ZNF469: variants seen among roughly 807,000 people sequenced by gnomAD.
The protein encoded by ZNF469 is zinc finger protein 469.
Under a neutral mutation model 1.0 loss-of-function variants are expected in ZNF469, and 1 was observed. The observed-to-expected ratio is 1.00, with a 90% CI of 0.35 to 4.73. The LOEUF (loss-of-function observed/expected upper bound fraction) is 4.73, where lower values mean the gene tolerates loss of function less well. Ranked by LOEUF, ZNF469 falls within the 30% of genes most tolerant of loss-of-function variation. The probability of loss-of-function intolerance (pLI) is 0.16; values close to 1 mark genes in which losing one functional copy is unlikely to be tolerated. For synonymous variants in ZNF469, 2,703 were observed against 2,363.4 expected (o/e 1.14, Z -4.17); for missense variants, 6,100 against 5,356.3 (o/e 1.14, Z -4.33).
chr16:88,319,453 G>C, the ZNF469 span, among the ~76,000 whole-genome samples: 5 of 152,188 alleles, frequency 3.3e-5, no homozygotes, highest in East Asian at 1.9e-4. Flanking sequence ...GGCAGTCCGA[G>C]GCCTCGGAAG....
At chr16:88,273,967 CTAATTT>C in the ZNF469 span, among the ~76,000 whole-genome samples, 4 of 152,168 alleles carry the variant, frequency 2.6e-5, no homozygotes, top group African/African-American at 9.7e-5. Flanking sequence ...CCATGCTCGG[CTAATTT>C]TTTGTATTTT....
chr16:88,352,937 C>A, the ZNF469 span, among the ~76,000 whole-genome samples: 1,902 of 152,242 alleles, frequency 0.012, 24 homozygotes, highest in Middle Eastern at 0.034. Context: ...GAGGTGGGGG[C>A]AGAGAGCCAG....
the ZNF469 span, among the ~76,000 whole-genome samples, chr16:88,227,512 C>G: frequency 1.1e-5 from 1 of 93,250 alleles, no homozygotes; most frequent in African/African-American, 3.3e-5. Flanking sequence ...CCCCATCTCC[C>G]CATCTCCCCA....
intron 2 of ZNF469, among the ~76,000 whole-genome samples, 152 bp downstream of exon 2, chr16:88,425,023 G>A (rs1905640000): frequency 6.6e-6 from 1 of 152,090 alleles, no homozygotes; most frequent in African/African-American, 2.4e-5. Context: ...GCCGACTCCT[G>A]GGGCCCGCCG....
the ZNF469 span, among the ~76,000 whole-genome samples, chr16:88,205,962 G>GA: frequency 6.6e-6 from 1 of 152,108 alleles, no homozygotes; most frequent in Non-Finnish European, 1.5e-5. This position sits in a 1 kb window ranked among gnomAD's most constrained non-coding sequence, Gnocchi z 4.2. Context: ...AGGAAGGGGG[G>GA]GGCCCAGCCC....
chr16:88,181,116 G>T, the ZNF469 span, among the ~76,000 whole-genome samples: 1 of 151,044 alleles, frequency 6.6e-6, no homozygotes, highest in Admixed American at 6.6e-5. Context: ...TGTCGCCCAG[G>T]CTGGAGTGCA....
rs1237053036 is a variant in ZNF469 at position 88,431,470 on chromosome 16, C to T, written c.4000C>T (p.Pro1334Ser). The T allele has an allele frequency of 1.3e-6, 2 of 1,550,274 alleles. No individual in the cohort carries two copies. Residue 1334 changes from proline to serine, a missense_variant, in exon 3 of 3, where the codon CCC becomes TCC. Pro to Ser is a moderately conservative substitution (Grantham distance 74). Coordinates refer to ENST00000565624, the MANE Select transcript of ZNF469 (RefSeq NM_001367624.2). ...PGEFLAPVANPSSTACPKPSV... is the reference protein window; with the variant it reads ...PGEFLAPVANSSSTACPKPSV... ...AGAATTTCTGGCACCCGTGGCTAAC[C>T]CCTCAAGTACCGCCTGCCCCAAACC...
At chr16:88,132,879 G>T in the ZNF469 span, among the ~76,000 whole-genome samples, 2 of 152,302 alleles carry the variant, frequency 1.3e-5, no homozygotes, top group South Asian at 2.1e-4. Context: ...GTCAGCTGAG[G>T]GCCCTGCACA....
chr16:88,272,556 G>A, the ZNF469 span, among the ~76,000 whole-genome samples: 1 of 151,824 alleles, frequency 6.6e-6, no homozygotes, highest in Admixed American at 6.6e-5. Flanking sequence ...ACAGGTGGGT[G>A]TATGGAGAGA....
At chr16:88,357,621 G>C in the ZNF469 span, among the ~76,000 whole-genome samples, 24 of 152,304 alleles carry the variant, frequency 1.6e-4, no homozygotes, top group African/African-American at 5.8e-4. Context: ...GAGACAGAGG[G>C]GAAGAGGGGG....
chr16:88,221,393 C>G, the ZNF469 span, among the ~76,000 whole-genome samples: 1 of 152,218 alleles, frequency 6.6e-6, no homozygotes, highest in African/African-American at 2.4e-5. Flanking sequence ...GCCACACTTC[C>G]TCTCTGCTCC....
At position 88,439,611 on chromosome 16, in the gene ZNF469, C is replaced by T. The variant is rs2142318931; in HGVS notation, c.*279C>T. On this transcript the variant is annotated 3_prime_UTR_variant, in exon 3 of 3. Transcript: ENST00000565624. The stretch of plus-strand genomic sequence containing the variant: ...TCTTGGTACCAAGTACTTGAAGAGA[C>T]AGCAGCCCATCCCCTCAGCCCACAC... 1 of 485,944 alleles carries T rather than the reference C, an allele frequency of 2.1e-6. No individual in the cohort carries two copies. The highest frequency in any genetic ancestry group is 3.8e-6 in the Non-Finnish European group (1 of 265,348). The allele number at this position is 485,944 out of a possible 1,614,324, so 30.1% of individuals were successfully genotyped here.
chr16:88,165,452 C>T, the ZNF469 span, among the ~76,000 whole-genome samples: 1 of 152,150 alleles, frequency 6.6e-6, no homozygotes, highest in South Asian at 2.1e-4. Flanking sequence ...CACTCGGGCT[C>T]AACTTCCAGA....
the ZNF469 span, among the ~76,000 whole-genome samples, chr16:88,158,040 G>A: frequency 6.6e-6 from 1 of 152,072 alleles, no homozygotes; most frequent in Non-Finnish European, 1.5e-5. Flanking sequence ...TCCTGCTGCG[G>A]GGATGCTCCG....
At chr16:88,159,729 C>T in the ZNF469 span, among the ~76,000 whole-genome samples, 2 of 152,154 alleles carry the variant, frequency 1.3e-5, no homozygotes, top group Non-Finnish European at 2.9e-5. Flanking sequence ...ATTCTCGGTG[C>T]TGTTTCTCAC....
chr16:88,429,733 C>T lies in ZNF469; in HGVS notation c.2263C>T (p.Leu755=), dbSNP rs1416286021. The change falls in exon 3 of 3, where the codon CTG becomes TTG. Residue 755 remains leucine (L), a synonymous_variant. Coordinates refer to ENST00000565624, the MANE Select transcript of ZNF469 (RefSeq NM_001367624.2). ...AFLAHRQFCG[L]LLARAKDGHQ... Reference sequence around the variant, plus strand: ...CCTGGCCCACCGGCAGTTCTGTGGCCTGCTCCTGGCCAGGGCCAAGGATGG... The same window carrying T: ...CCTGGCCCACCGGCAGTTCTGTGGCTTGCTCCTGGCCAGGGCCAAGGATGG... The T allele has an allele frequency of 2.6e-6, 4 of 1,544,590 alleles. No individual in the cohort carries two copies. In the East Asian group the frequency reaches 9.8e-5, roughly 38 times the overall value.
At position 88,430,515 on chromosome 16, in the gene ZNF469, C is replaced by A. The variant is rs1350866522; in HGVS notation, c.3045C>A (p.Ala1015=). 1.4e-6 allele frequency: 2 copies of A among 1,430,014 alleles called. No homozygotes were observed. The highest frequency in any genetic ancestry group is 1.8e-6 in the Non-Finnish European group (2 of 1,101,734). The allele number at this position is 1,430,014 out of a possible 1,614,324, so 88.6% of individuals were successfully genotyped here. ...ACCCCGCGCCCCGGGTCCCGAGAGC[C>A]GCCGCCCTCCCCGAGGAGACCCGCA... ...RADPAPRVPR[A]AALPEETRSS... is the part of the protein sequence containing the mutation. The change falls in exon 3 of 3, where the codon GCC becomes GCA. Residue 1015 remains alanine, a synonymous_variant. Transcript: ENST00000565624.
the ZNF469 span, among the ~76,000 whole-genome samples, chr16:88,109,666 C>T: frequency 2.0e-5 from 3 of 147,820 alleles, no homozygotes; most frequent in East Asian, 2.1e-4. Flanking sequence ...CACGCTGTCT[C>T]CTCTCCGGGA....
the ZNF469 span, among the ~76,000 whole-genome samples, chr16:88,288,942 A>G: frequency 7.2e-4 from 109 of 152,326 alleles, no homozygotes; most frequent in African/African-American, 2.6e-3. Flanking sequence ...CAGACACTCC[A>G]TACATCCAGT....
Sources: gnomAD v4.1 joint callset for allele counts (sites outside exome capture counted in the v4.1 genomes callset) on GRCh38, gnomAD v4.1.1 for gene constraint, Gnocchi (gnomAD v3.1) non-coding constraint, MANE v1.5 for transcripts, NCBI Gene and HGNC (gene_info 2026-07-23, HGNC 2026-07-21) for gene names.